Variants in FGF12 observed in about 807,000 individuals in gnomAD.
FGF12 encodes fibroblast growth factor 12.
A neutral mutation model predicts 23.6 loss-of-function variants in FGF12; 14 were observed. The ratio of observed to expected loss-of-function variants is 0.59; its 90% CI spans 0.39 to 0.93. FGF12 has a LOEUF of 0.93. Ranked by LOEUF, FGF12 falls within the 40% of genes least tolerant of loss-of-function variation. FGF12 has a pLI of 0.00. For synonymous variants in FGF12, 62 were observed against 77.3 expected, an observed-to-expected ratio of 0.80 and a Z score of 1.04; for missense variants, 175 against 217.8, an observed-to-expected ratio of 0.80 and a Z score of 1.24.
chr3:192,727,334 G>C lies in FGF12; in HGVS notation c.-130-11C>G, dbSNP rs921987121. 1 of 1,544,528 alleles carries C rather than the reference G, an allele frequency of 6.5e-7. No individual in the cohort carries two copies. Among genetic ancestry groups the C allele is most frequent in the African/African-American group, 1.4e-5 (1 of 72,916 alleles). Reference sequence around the variant, plus strand: ...TTCCCCTCAGGCTTCCTGAAAGATGGGATTTCTTAAACCTTGAAGCTGCAA... The same window carrying C: ...TTCCCCTCAGGCTTCCTGAAAGATGCGATTTCTTAAACCTTGAAGCTGCAA... On this transcript the variant is annotated splice_polypyrimidine_tract_variant and intron_variant, in intron 1 of 5. Coordinates refer to ENST00000445105, the MANE Select transcript of FGF12 (RefSeq NM_004113.6).
At chr3:192,580,853 C>A (rs1347775663) in intron 2 of FGF12, among the ~76,000 whole-genome samples, 1 of 152,174 alleles carries the variant, frequency 6.6e-6, no homozygotes, top group Non-Finnish European at 1.5e-5. Flanking sequence ...CCTGCCTCGG[C>A]CTCCCAAAGT....
In FGF12 at chr3:192,212,854, G is replaced by A. The variant is rs997353036; in HGVS notation, c.229-42198C>T. Among the ~76,000 whole-genome samples, 7 of 152,214 alleles carry A rather than the reference G, an allele frequency of 4.6e-5. No homozygotes were observed. The East Asian group carries it at 1.4e-3, about 29-fold the overall frequency. ...TTTCTGTTGATAATTTCAAAAGCTG[G>A]TCCTTGAGCTTTGGTGGAGACAATC... On this transcript the variant is annotated intron_variant, in intron 4 of 5. Transcript: ENST00000445105.
intron 2 of FGF12, among the ~76,000 whole-genome samples, chr3:192,386,218 G>C (rs1720034995): frequency 6.6e-6 from 1 of 152,156 alleles, no homozygotes; most frequent in African/African-American, 2.4e-5. Context: ...ATACTGCTAT[G>C]CTAGTTTTTC....
chr3:192,208,272 G>A (rs981246434), intron 4 of FGF12, among the ~76,000 whole-genome samples: 3 of 152,294 alleles, frequency 2.0e-5, no homozygotes, highest in African/African-American at 7.2e-5. Context: ...TGTCTGTTAC[G>A]ATATTCCATA....
At chr3:192,492,718 G>A (rs987713253) in intron 2 of FGF12, among the ~76,000 whole-genome samples, 3 of 152,068 alleles carry the variant, frequency 2.0e-5, no homozygotes, top group Non-Finnish European at 2.9e-5. Flanking sequence ...GGATCACACC[G>A]ATATAACACA....
At chr3:192,641,596 G>T (rs1450918206) in intron 2 of FGF12, among the ~76,000 whole-genome samples, 1 of 151,224 alleles carries the variant, frequency 6.6e-6, no homozygotes, top group African/African-American at 2.4e-5. Context: ...AGTAGAGACG[G>T]GGTTTCTCCA....
chr3:192,150,747 T>C (rs1044053702), intron 5 of FGF12, among the ~76,000 whole-genome samples: 4 of 148,704 alleles, frequency 2.7e-5, no homozygotes, highest in African/African-American at 5.0e-5. Context: ...AGTCAGGTAG[T>C]GTGATGCCTC....
intron 4 of FGF12, among the ~76,000 whole-genome samples, chr3:192,246,684 G>A (rs1279698338): frequency 6.6e-6 from 1 of 151,760 alleles, no homozygotes; most frequent in Non-Finnish European, 1.5e-5. Flanking sequence ...AATTAGCCAG[G>A]TGCAGTGGTG....
chr3:192,581,515 A>G (rs1318608954), intron 2 of FGF12, among the ~76,000 whole-genome samples: 1 of 148,310 alleles, frequency 6.7e-6, no homozygotes, highest in Non-Finnish European at 1.5e-5. Context: ...TATATACAGG[A>G]AGAATACATG....
intron 2 of FGF12, among the ~76,000 whole-genome samples, chr3:192,443,347 G>A (rs935417596): frequency 1.3e-4 from 20 of 152,046 alleles, no homozygotes; most frequent in African/African-American, 4.6e-4. Flanking sequence ...GTGATAGAAT[G>A]GAATATTCTT....
At position 192,289,447 on chromosome 3, in the gene FGF12, C is replaced by T. The variant is rs189694907; in HGVS notation, c.228+45914G>A. 1.7e-3 allele frequency among the ~76,000 whole-genome samples: 253 copies of T among 152,028 alleles called. 2 individuals carry two copies. The highest frequency in any genetic ancestry group is 5.7e-3 in the African/African-American group (237 of 41,468). On this transcript the variant is annotated intron_variant, in intron 4 of 5. Transcript: ENST00000445105. The stretch of plus-strand genomic sequence containing the variant: ...TGCCAAAAGGAAGGTAAGAATAAAA[C>T]GAGAAGGAACACTCACTGGAAGATA...
chr3:192,694,158 G>A (rs951932850), intron 2 of FGF12, among the ~76,000 whole-genome samples: 6 of 152,074 alleles, frequency 3.9e-5, no homozygotes, highest in South Asian at 2.1e-4. Context: ...GGTGCTCAAC[G>A]TCATTACGAT....
chr3:192,712,140 G>C (rs1718709434), intron 2 of FGF12, among the ~76,000 whole-genome samples: 1 of 151,430 alleles, frequency 6.6e-6, no homozygotes, highest in Non-Finnish European at 1.5e-5. Context: ...ATAAACTTGA[G>C]CCCATAATCT....
chr3:192,582,190 A>G (rs1215009552), intron 2 of FGF12, among the ~76,000 whole-genome samples: 1 of 152,234 alleles, frequency 6.6e-6, no homozygotes, highest in African/African-American at 2.4e-5. Flanking sequence ...TTTCAAAAAT[A>G]ATTGTGGCTG....
At chr3:192,160,760 A>G (rs967147659) in intron 5 of FGF12, among the ~76,000 whole-genome samples, 9 of 152,154 alleles carry the variant, frequency 5.9e-5, no homozygotes, top group South Asian at 2.1e-4. Context: ...CCTATCTACT[A>G]TGCTACAGTG....
chr3:192,203,192 T>G (rs760274316), intron 4 of FGF12, among the ~76,000 whole-genome samples: 3 of 152,090 alleles, frequency 2.0e-5, no homozygotes, highest in Non-Finnish European at 4.4e-5. Context: ...AATGTTCTTC[T>G]GTAGTTTAGA....
chr3:192,514,790 C>T lies in FGF12; in HGVS notation c.14-154252G>A, dbSNP rs1034594908. On this transcript the variant is annotated intron_variant, in intron 2 of 5. Transcript: ENST00000445105. This position sits in a 1 kb window ranked among gnomAD's most constrained non-coding sequence, Gnocchi z 4.9. The stretch of plus-strand genomic sequence containing the variant: ...CGCGTGTGTGGGGTTGGTCAACTCC[C>T]CGCCCACCTGCGCTAGTAGTCCAAC... The T allele has an allele frequency of 1.0e-6, 1 of 985,264 alleles. No individual in the cohort carries two copies. The highest frequency in any genetic ancestry group is 1.2e-6 in the Non-Finnish European group (1 of 829,928). The allele number at this position is 985,264 out of a possible 1,614,324, so 61.0% of individuals were successfully genotyped here.
At chr3:192,152,383 C>T (rs1714107862) in intron 5 of FGF12, among the ~76,000 whole-genome samples, 12 of 45,468 alleles carry the variant, frequency 2.6e-4, no homozygotes, top group Middle Eastern at 0.011. Flanking sequence ...TCTTGCTTTT[C>T]TAGTTCTTTT....
intron 2 of FGF12, among the ~76,000 whole-genome samples, chr3:192,702,909 C>T (rs939582579): frequency 1.3e-5 from 2 of 152,158 alleles, no homozygotes; most frequent in Admixed American, 6.5e-5. Context: ...ATTTAAATAA[C>T]AATATATGTT....
Sources: allele counts gnomAD v4.1 joint callset (sites outside exome capture counted in the v4.1 genomes callset), GRCh38; gene constraint gnomAD v4.1.1; non-coding constraint Gnocchi (gnomAD v3.1); transcripts MANE v1.5; gene names NCBI Gene and HGNC (gene_info 2026-07-23, HGNC 2026-07-21).